THEMIS: variants seen among roughly 807,000 people sequenced by gnomAD.
The protein encoded by THEMIS is protein THEMIS.
In THEMIS, 37 loss-of-function variants were observed where a neutral mutation model predicts 52.6. That is an observed-to-expected ratio of 0.70 (90% CI 0.54 to 0.93). The LOEUF is 0.93. THEMIS is among the 40% of genes least tolerant of loss of function. The probability of loss-of-function intolerance (pLI) is 0.00; values close to 1 mark genes in which losing one functional copy is unlikely to be tolerated. For missense variants in THEMIS, 808 were observed against 763.1 expected, an observed-to-expected ratio of 1.06 and a Z score of -0.69; for synonymous variants, 292 against 272.7, an observed-to-expected ratio of 1.07 and a Z score of -0.70.
At chr6:127,734,913 A>ATATATATGTGTG (rs1398876841) in intron 4 of THEMIS, among the ~76,000 whole-genome samples, 1 of 106,444 alleles carries the variant, frequency 9.4e-6, no homozygotes, top group African/African-American at 3.9e-5. Context: ...ATATATATAT[A>ATATATATGTGTG]TGTGTGTGTG....
At chr6:127,902,105 G>T (rs1781149849), upstream of THEMIS, among the ~76,000 whole-genome samples, 1 of 151,702 alleles carries the variant, frequency 6.6e-6, no homozygotes, top group Non-Finnish European at 1.5e-5. Context: ...TAGGAGAATT[G>T]CTTGAGCCCA....
chr6:127,830,558 C>T (rs1778665838), intron 2 of THEMIS, among the ~76,000 whole-genome samples: 1 of 151,812 alleles, frequency 6.6e-6, no homozygotes, highest in Non-Finnish European at 1.5e-5. Context: ...TATTGGCGTG[C>T]ACCTTCAGTC....
intron 4 of THEMIS, among the ~76,000 whole-genome samples, chr6:127,729,140 TTCTCTCTC>T (rs35400135): frequency 0.01 from 1,107 of 105,468 alleles, 18 homozygotes; most frequent in East Asian, 0.049. Flanking sequence ...TACCAATTTA[TTCTCTCTC>T]TCTCTCTCTC....
At chr6:127,853,813 T>C (rs1426069497) in intron 2 of THEMIS, among the ~76,000 whole-genome samples, 1 of 151,658 alleles carries the variant, frequency 6.6e-6, no homozygotes, top group Non-Finnish European at 1.5e-5. Flanking sequence ...ACAGTATTAT[T>C]ATTCCCATTT....
chr6:127,855,084 G>T lies in THEMIS; in HGVS notation c.196C>A (p.Gln66Lys), dbSNP rs755238831. The change falls in exon 2 of 6, where the codon CAG becomes AAG. Residue 66 changes from glutamine to lysine, a missense_variant. Transcript: ENST00000368248. ...VKKIIAEICE[Q>K]IEGCESLQPF... ...TGTAGAGACTCACAACCTTCAATCT[G>T]CTCACAAATTTCAGCTATGATCTTC... 3 of 1,611,146 alleles carry T rather than the reference G, an allele frequency of 1.9e-6. No individual in the cohort carries two copies. The highest frequency in any genetic ancestry group is 2.5e-6 in the Non-Finnish European group (3 of 1,178,420).
intron 2 of THEMIS, among the ~76,000 whole-genome samples, chr6:127,851,519 A>T (rs1243388291): frequency 6.6e-6 from 1 of 151,786 alleles, no homozygotes; most frequent in Non-Finnish European, 1.5e-5. Flanking sequence ...ATTTTTAAAA[A>T]AATGAGCAAA....
chr6:127,824,288 A>G (rs1778432453), intron 3 of THEMIS, among the ~76,000 whole-genome samples: 1 of 152,104 alleles, frequency 6.6e-6, no homozygotes. Flanking sequence ...TGTAAGTGGG[A>G]GTGGTGAGAT....
intron 4 of THEMIS, among the ~76,000 whole-genome samples, chr6:127,811,473 C>A (rs922761268): frequency 2.6e-5 from 4 of 152,188 alleles, no homozygotes; most frequent in African/African-American, 7.2e-5. Flanking sequence ...TAACCCTGAT[C>A]TTATCTGGAA....
intron 4 of THEMIS, among the ~76,000 whole-genome samples, chr6:127,789,420 A>AT (rs1777086101): frequency 6.6e-6 from 1 of 152,194 alleles, no homozygotes; most frequent in Non-Finnish European, 1.5e-5. Flanking sequence ...GACCAGATGG[A>AT]TTCACAGCTG....
At chr6:127,740,170 AT>A (rs896183959) in intron 4 of THEMIS, among the ~76,000 whole-genome samples, 52 of 151,804 alleles carry the variant, frequency 3.4e-4, no homozygotes, top group Non-Finnish European at 6.8e-4. Context: ...AACCTAATTG[AT>A]TTTTTTTTCC....
intron 1 of THEMIS, among the ~76,000 whole-genome samples, chr6:127,914,418 G>T (rs762487831): frequency 6.6e-6 from 1 of 152,164 alleles, no homozygotes; most frequent in Non-Finnish European, 1.5e-5. Flanking sequence ...AATGAGATAT[G>T]TTCTGAGAAA....
chr6:127,723,996 A>G (rs1403053272), intron 4 of THEMIS, among the ~76,000 whole-genome samples: 1 of 152,072 alleles, frequency 6.6e-6, no homozygotes, highest in African/African-American at 2.4e-5. Context: ...ATATTAAATA[A>G]ATAGGAAAAT....
intron 1 of THEMIS, among the ~76,000 whole-genome samples, chr6:127,896,421 A>G (rs1780969509): frequency 6.6e-6 from 1 of 151,538 alleles, no homozygotes; most frequent in African/African-American, 2.4e-5. Context: ...ATAACTAAGA[A>G]TAAATCTGAA....
intron 1 of THEMIS, among the ~76,000 whole-genome samples, chr6:127,888,938 A>G (rs903685787): frequency 1.4e-4 from 21 of 152,088 alleles, no homozygotes; most frequent in African/African-American, 5.1e-4. Flanking sequence ...GTTGATAATA[A>G]CTTCAGTTCC....
At chr6:127,892,170 C>G (rs1404940965) in intron 1 of THEMIS, among the ~76,000 whole-genome samples, 1 of 152,198 alleles carries the variant, frequency 6.6e-6, no homozygotes, top group Non-Finnish European at 1.5e-5. Context: ...CTCAGTCTTT[C>G]TCCCACCATC....
In THEMIS at chr6:127,829,839, A is replaced by T. The variant is rs747602661; in HGVS notation, c.346T>A (p.Cys116Ser). 3 of 1,614,142 alleles carry T rather than the reference A, an allele frequency of 1.9e-6. No individual in the cohort carries two copies. The highest frequency in any genetic ancestry group is 2.5e-6 in the Non-Finnish European group (3 of 1,180,012). ...TTTATATCCTTCTGATGATAGAAGC[A>T]AGGATGCCCTAGTCTACTTGGTCCA... ...HIGPSRLGHP[C>S]FYHQKDIKLE... The change falls in exon 3 of 6, where the codon TGC becomes AGC. Residue 116 changes from cysteine to serine, a missense_variant. Physicochemically the swap from Cys to Ser is moderately radical, Grantham distance 112. Transcript: ENST00000368248.
At position 127,736,851 on chromosome 6, in the gene THEMIS, CA is replaced by C. The variant is rs3057968; in HGVS notation, c.1759-17029del. 4.2e-3 allele frequency among the ~76,000 whole-genome samples: 437 copies of C among 104,854 alleles called. 1 individual carries two copies. Among genetic ancestry groups the C allele is most frequent in the African/African-American group, 8.4e-3 (224 of 26,660 alleles). The allele number at this position is 104,854 out of a possible 152,430, so 68.8% of individuals were successfully genotyped here. On this transcript the variant is annotated intron_variant, in intron 4 of 5. Transcript: ENST00000368248. The stretch of plus-strand genomic sequence containing the variant: ...CATAAGTAAAGGAAAACCAAATGAT[CA>C]AAAAAAAAAAAAAAAGAAAAAATAT...
At chr6:127,706,954 A>C (rs1009277685), downstream of THEMIS, among the ~76,000 whole-genome samples, 10 of 152,138 alleles carry the variant, frequency 6.6e-5, no homozygotes, top group African/African-American at 2.4e-4. Context: ...GTAATTTATA[A>C]AGGAAATAGG....
At chr6:127,770,304 T>C (rs1583255727) in intron 4 of THEMIS, among the ~76,000 whole-genome samples, 1 of 152,224 alleles carries the variant, frequency 6.6e-6, no homozygotes, top group Non-Finnish European at 1.5e-5. Flanking sequence ...GACTTTTTAA[T>C]GATCACCATT....
Sources: gnomAD v4.1 joint callset for allele counts (sites outside exome capture counted in the v4.1 genomes callset) on GRCh38, gnomAD v4.1.1 for gene constraint, MANE v1.5 for transcripts, NCBI Gene and HGNC (gene_info 2026-07-23, HGNC 2026-07-21) for gene names.